Variants in CTNNA3 observed in about 807,000 individuals in gnomAD.
CTNNA3 encodes catenin alpha-3.
Under a neutral mutation model 95.7 loss-of-function variants are expected in CTNNA3, and 76 were observed. The ratio of observed to expected loss-of-function variants is 0.79; its 90% CI spans 0.66 to 0.96. The LOEUF (loss-of-function observed/expected upper bound fraction) is 0.96, where lower values mean the gene tolerates loss of function less well. Ranked by LOEUF, CTNNA3 falls within the 40% of genes least tolerant of loss-of-function variation. The pLI is 0.00. For synonymous variants in CTNNA3, 431 were observed against 374.4 expected (o/e 1.15, Z -1.74); for missense variants, 1,191 against 1,089.8 (o/e 1.09, Z -1.31).
intron 12 of CTNNA3, among the ~76,000 whole-genome samples, chr10:66,360,943 C>G (rs1589140067): frequency 7.1e-6 from 1 of 141,088 alleles, no homozygotes; most frequent in South Asian, 2.2e-4. Context: ...CTCTCTCTCT[C>G]TGTCTCTCTC....
intron 10 of CTNNA3, among the ~76,000 whole-genome samples, chr10:66,556,806 CATG>C (rs1230004866): frequency 6.6e-6 from 1 of 151,986 alleles, no homozygotes; most frequent in Admixed American, 6.6e-5. Context: ...TAACTTTCAG[CATG>C]ATGACTATAA....
intron 13 of CTNNA3, among the ~76,000 whole-genome samples, chr10:66,272,127 T>C (rs978605935): frequency 6.6e-6 from 1 of 152,184 alleles, no homozygotes; most frequent in African/African-American, 2.4e-5. Flanking sequence ...AATTTGCATA[T>C]AAAACTAAGG....
At chr10:67,327,126 C>A (rs1589169399) in intron 5 of CTNNA3, among the ~76,000 whole-genome samples, 1 of 152,302 alleles carries the variant, frequency 6.6e-6, no homozygotes, top group Non-Finnish European at 1.5e-5. Context: ...GCTCCTGCAT[C>A]ATTTTATCAT....
intron 5 of CTNNA3, among the ~76,000 whole-genome samples, chr10:67,234,431 G>T (rs1264217965): frequency 1.3e-5 from 2 of 152,194 alleles, no homozygotes; most frequent in African/African-American, 2.4e-5. Context: ...TATCTCAACA[G>T]ATGCAGAAAA....
intron 13 of CTNNA3, among the ~76,000 whole-genome samples, chr10:66,262,548 CA>C (rs1291853907): frequency 6.6e-6 from 1 of 151,602 alleles, no homozygotes; most frequent in African/African-American, 2.4e-5. Context: ...TTATAAAAAT[CA>C]AATCAAGTTT....
chr10:67,449,323 A>C (rs950802501), intron 5 of CTNNA3, among the ~76,000 whole-genome samples: 1 of 152,172 alleles, frequency 6.6e-6, no homozygotes, highest in Non-Finnish European at 1.5e-5. Flanking sequence ...ACAGAACTAG[A>C]GAAAACTATT....
At chr10:67,724,905 G>A (rs535254352) in intron 1 of CTNNA3, among the ~76,000 whole-genome samples, 3 of 152,122 alleles carry the variant, frequency 2.0e-5, no homozygotes, top group East Asian at 3.9e-4. Flanking sequence ...ACAACAACTT[G>A]CCAGTGCTCA....
At chr10:66,477,803 A>G (rs1839379304) in intron 11 of CTNNA3, among the ~76,000 whole-genome samples, 1 of 152,084 alleles carries the variant, frequency 6.6e-6, no homozygotes. Context: ...GCAATTCTCA[A>G]CCAGGATCTA....
intron 1 of CTNNA3, among the ~76,000 whole-genome samples, chr10:67,749,832 CAG>C (rs1303855536): frequency 6.6e-6 from 1 of 152,012 alleles, no homozygotes; most frequent in African/African-American, 2.4e-5. Flanking sequence ...CTGAAGGAGA[CAG>C]AGACATGAAA....
intron 17 of CTNNA3, among the ~76,000 whole-genome samples, chr10:65,948,338 C>A (rs976331550): frequency 2.6e-5 from 4 of 151,082 alleles, no homozygotes; most frequent in South Asian, 2.1e-4. Flanking sequence ...GCATGCACAC[C>A]CCCCCCAACA....
chr10:66,514,996 G>C (rs1164702591), intron 11 of CTNNA3, among the ~76,000 whole-genome samples: 2 of 151,998 alleles, frequency 1.3e-5, no homozygotes, highest in African/African-American at 4.8e-5. Flanking sequence ...TTTGTCATTA[G>C]AGATACCCTT....
intron 7 of CTNNA3, among the ~76,000 whole-genome samples, chr10:66,826,123 G>T (rs1842501215): frequency 6.6e-6 from 1 of 152,124 alleles, no homozygotes; most frequent in Non-Finnish European, 1.5e-5. Flanking sequence ...GGGGTGTTCA[G>T]TATGTTTCTT....
At chr10:66,004,301 C>T (rs183598155) in intron 15 of CTNNA3, among the ~76,000 whole-genome samples, 1 of 152,298 alleles carries the variant, frequency 6.6e-6, no homozygotes, top group Non-Finnish European at 1.5e-5. Flanking sequence ...CTCTGTCTAC[C>T]TGAACCAATC....
chr10:67,142,458 C>T (rs1046891233), intron 7 of CTNNA3, among the ~76,000 whole-genome samples: 18 of 152,030 alleles, frequency 1.2e-4, no homozygotes, highest in Admixed American at 6.6e-5. Context: ...ACAGGCATTC[C>T]TCAGAGATAC....
At chr10:66,026,684 G>T (rs751311026) in intron 15 of CTNNA3, among the ~76,000 whole-genome samples, 1 of 152,042 alleles carries the variant, frequency 6.6e-6, no homozygotes, top group Non-Finnish European at 1.5e-5. Context: ...TAATATTCTT[G>T]TTGTTCCATC....
At chr10:67,204,202 C>T (rs1028557267) in intron 6 of CTNNA3, among the ~76,000 whole-genome samples, 9 of 152,072 alleles carry the variant, frequency 5.9e-5, no homozygotes, top group Non-Finnish European at 7.3e-5. Context: ...ACGTCCCCAC[C>T]CCAAATCTCA....
At chr10:65,950,839 A>G (rs981207523) in intron 17 of CTNNA3, among the ~76,000 whole-genome samples, 3 of 152,154 alleles carry the variant, frequency 2.0e-5, no homozygotes, top group Admixed American at 6.6e-5. Context: ...CATCACATCT[A>G]TACTTTTTTT....
intron 9 of CTNNA3, among the ~76,000 whole-genome samples, chr10:66,733,742 T>A (rs1849040235): frequency 6.6e-6 from 1 of 151,724 alleles, no homozygotes; most frequent in Non-Finnish European, 1.5e-5. Context: ...TATTTGTAAC[T>A]AAAGTATGGT....
At chr10:66,264,025 C>A (rs994237207) in intron 13 of CTNNA3, among the ~76,000 whole-genome samples, 11 of 151,870 alleles carry the variant, frequency 7.2e-5, no homozygotes, top group Non-Finnish European at 1.5e-5. Flanking sequence ...GCTTCTATAT[C>A]ATATTTTCTG....
Sources: allele counts gnomAD v4.1 joint callset (sites outside exome capture counted in the v4.1 genomes callset), GRCh38; gene constraint gnomAD v4.1.1; transcripts MANE v1.5; gene names NCBI Gene and HGNC (gene_info 2026-07-23, HGNC 2026-07-21).